Variants in CSMD1 observed in about 807,000 individuals in gnomAD.
The protein encoded by CSMD1 is CUB and sushi domain-containing protein 1.
In CSMD1, 213 loss-of-function variants were observed where a neutral mutation model predicts 417.5. The observed-to-expected ratio is 0.51, with a 90% CI of 0.46 to 0.57. The LOEUF is 0.57. Ranked by LOEUF, CSMD1 falls within the 20% of genes least tolerant of loss-of-function variation. The pLI, the probability that CSMD1 is intolerant of heterozygous loss-of-function variation, is 0.00. For missense variants in CSMD1, 6,923 were observed against 4,529.7 expected (o/e 1.53, Z -15.17); for synonymous variants, 2,862 against 1,736.8 (o/e 1.65, Z -16.11).
intron 3 of CSMD1, among the ~76,000 whole-genome samples, chr8:4,227,019 G>T (rs1029414561): frequency 7.2e-5 from 11 of 152,290 alleles, no homozygotes; most frequent in South Asian, 4.1e-4. Flanking sequence ...CATTATCTCT[G>T]CAGGTGAGAT....
chr8:3,164,746 T>A (rs1820106607), intron 37 of CSMD1, among the ~76,000 whole-genome samples: 1 of 152,154 alleles, frequency 6.6e-6, no homozygotes, highest in African/African-American at 2.4e-5. Context: ...ACGAAGAATA[T>A]CGATTACAAA....
At chr8:4,187,755 A>C (rs1051216469) in intron 3 of CSMD1, among the ~76,000 whole-genome samples, 51 of 151,994 alleles carry the variant, frequency 3.4e-4, no homozygotes, top group Admixed American at 1.3e-3. Flanking sequence ...ACACTCAGAG[A>C]AATATATTTC....
chr8:4,593,482 G>A (rs1168598634), intron 2 of CSMD1, among the ~76,000 whole-genome samples: 1 of 152,078 alleles, frequency 6.6e-6, no homozygotes, highest in African/African-American at 2.4e-5. Flanking sequence ...AAACATAAAA[G>A]AGAACGCTTT....
chr8:4,069,302 A>G (rs989148283), intron 3 of CSMD1, among the ~76,000 whole-genome samples: 1 of 152,214 alleles, frequency 6.6e-6, no homozygotes, highest in Non-Finnish European at 1.5e-5. Context: ...TTTTTTGACC[A>G]TTTTTAAAAA....
intron 3 of CSMD1, among the ~76,000 whole-genome samples, chr8:4,234,778 A>C (rs1466855487): frequency 1.3e-5 from 2 of 152,280 alleles, no homozygotes; most frequent in Non-Finnish European, 2.9e-5. Context: ...ATCTGGGCTA[A>C]CTTGCCCCCA....
chr8:4,031,962 A>C lies in CSMD1; in HGVS notation c.553T>G (p.Cys185Gly). The C allele has an allele frequency of 6.2e-7, 1 of 1,613,978 alleles. No individual in the cohort carries two copies. The highest frequency in any genetic ancestry group is 8.5e-7 in the Non-Finnish European group (1 of 1,179,888). ...GCACCATTTCCTGGGCTGACGATGC[A>C]GGTCAGGATGGCGTGGCCTTCCAAG... ...YILEGHAILT[C>G]IVSPGNGASW... Residue 185 changes from cysteine (C) to glycine (G), a missense_variant, in exon 4 of 70, where the codon TGC becomes GGC. Cys to Gly is a radical substitution (Grantham distance 159). Transcript: ENST00000635120.
chr8:3,551,724 T>G (rs1233984270), intron 10 of CSMD1, among the ~76,000 whole-genome samples: 1 of 152,078 alleles, frequency 6.6e-6, no homozygotes, highest in African/African-American at 2.4e-5. Flanking sequence ...GTCATTGTAG[T>G]CTGTCATATC....
Position 4,415,460 on chromosome 8 carries a change from C to T in CSMD1, c.415+4493G>A, listed in dbSNP as rs942836898. Among the ~76,000 whole-genome samples the T allele has an allele frequency of 2.8e-5, 4 of 144,422 alleles. No individual in the cohort carries two copies. The East Asian group carries it at 8.8e-4, about 32-fold the overall frequency. The allele number at this position is 144,422 out of a possible 152,430, so 94.7% of individuals were successfully genotyped here. On this transcript the variant is annotated intron_variant, in intron 3 of 69. Coordinates refer to ENST00000635120, the MANE Select transcript of CSMD1 (RefSeq NM_033225.6). ...AATAACACGCTCTTCAGGTCGTGGC[C>T]TGAGCCCACTCTGTGATGGCCTCTA...
At chr8:4,217,568 A>G (rs920727760) in intron 3 of CSMD1, among the ~76,000 whole-genome samples, 1 of 152,148 alleles carries the variant, frequency 6.6e-6, no homozygotes, top group Non-Finnish European at 1.5e-5. Flanking sequence ...TTACGCAGCA[A>G]AGGTGTGAGC....
intron 1 of CSMD1, among the ~76,000 whole-genome samples, chr8:4,902,975 TA>T (rs1379226749): frequency 3.0e-4 from 9 of 30,418 alleles, no homozygotes; most frequent in South Asian, 1.3e-3. Flanking sequence ...AATACTAAAC[TA>T]AATAATAATA....
At chr8:4,938,780 C>T (rs1807790584) in intron 1 of CSMD1, among the ~76,000 whole-genome samples, 2 of 152,158 alleles carry the variant, frequency 1.3e-5, no homozygotes, top group Admixed American at 6.5e-5. Context: ...TCAAGAAGTG[C>T]AGGGGAATGC....
intron 3 of CSMD1, among the ~76,000 whole-genome samples, chr8:4,292,194 T>C (rs1029024183): frequency 6.6e-6 from 1 of 152,146 alleles, no homozygotes; most frequent in African/African-American, 2.4e-5. Flanking sequence ...TGGACTTATT[T>C]ATTTGTATAT....
At chr8:3,510,412 G>T (rs920360768) in intron 10 of CSMD1, among the ~76,000 whole-genome samples, 2 of 151,832 alleles carry the variant, frequency 1.3e-5, no homozygotes, top group Admixed American at 6.5e-5. Context: ...CGCAGGCTCT[G>T]TTGCTGATTT....
At chr8:3,832,540 T>C (rs965700643) in intron 5 of CSMD1, among the ~76,000 whole-genome samples, 2 of 152,194 alleles carry the variant, frequency 1.3e-5, no homozygotes, top group Non-Finnish European at 2.9e-5. Flanking sequence ...TTTGTCTTAT[T>C]GTATATGTCT....
chr8:4,627,147 T>C (rs1289331427), intron 2 of CSMD1, among the ~76,000 whole-genome samples: 1 of 152,196 alleles, frequency 6.6e-6, no homozygotes, highest in Non-Finnish European at 1.5e-5. Context: ...ACTAATATTA[T>C]GCGATGAAAA....
At chr8:4,487,391 C>A (rs1801472323) in intron 2 of CSMD1, among the ~76,000 whole-genome samples, 1 of 152,130 alleles carries the variant, frequency 6.6e-6, no homozygotes, top group Admixed American at 6.5e-5. Flanking sequence ...GTTCAGTTCC[C>A]ATCTATGAGT....
chr8:3,869,690 G>A (rs142771299), intron 5 of CSMD1, among the ~76,000 whole-genome samples: 159 of 152,166 alleles, frequency 1.0e-3, no homozygotes, highest in African/African-American at 3.4e-3. Context: ...ACAGGTGCGC[G>A]CAGCCAGGAG....
intron 5 of CSMD1, among the ~76,000 whole-genome samples, chr8:3,993,984 G>A (rs1241363709): frequency 6.6e-6 from 1 of 152,142 alleles, no homozygotes; most frequent in Non-Finnish European, 1.5e-5. Flanking sequence ...GTTCACAGGG[G>A]CAAACTGCAA....
chr8:4,928,637 G>C (rs551712535), intron 1 of CSMD1, among the ~76,000 whole-genome samples: 10 of 152,090 alleles, frequency 6.6e-5, no homozygotes, highest in Non-Finnish European at 1.5e-4. Context: ...CATAGTAAGG[G>C]GCTGACAGGA....
Sources: allele counts gnomAD v4.1 joint callset (sites outside exome capture counted in the v4.1 genomes callset), GRCh38; gene constraint gnomAD v4.1.1; transcripts MANE v1.5; gene names NCBI Gene and HGNC (gene_info 2026-07-23, HGNC 2026-07-21).